Variants in VRK1 observed in about 807,000 individuals in gnomAD.
VRK1 encodes the protein serine/threonine-protein kinase VRK1.
Under a neutral mutation model 57.1 loss-of-function variants are expected in VRK1, and 33 were observed. That is an observed-to-expected ratio of 0.58 (90% CI 0.44 to 0.77). The LOEUF is 0.77. Among genes scored for constraint, VRK1 ranks in the 30% least tolerant of loss-of-function variants. The pLI is 0.00. For synonymous variants in VRK1, 137 were observed against 147.8 expected, an observed-to-expected ratio of 0.93 and a Z score of 0.53; for missense variants, 413 against 477.3, an observed-to-expected ratio of 0.87 and a Z score of 1.25.
chr14:96,880,670 G>A (rs1026303702), intron 12 of VRK1, among the ~76,000 whole-genome samples: 3 of 152,174 alleles, frequency 2.0e-5, no homozygotes, highest in Admixed American at 6.6e-5. Flanking sequence ...AATTCCTAGC[G>A]GAAAAGACTT....
chr14:96,828,864 G>A (rs763094373), intron 1 of VRK1, among the ~76,000 whole-genome samples: 5 of 152,208 alleles, frequency 3.3e-5, no homozygotes, highest in Non-Finnish European at 7.3e-5. Flanking sequence ...GATTGACAGG[G>A]CCTTTGGTTG....
At chr14:96,857,338 T>A (rs61981027) in intron 10 of VRK1, among the ~76,000 whole-genome samples, 1 of 151,808 alleles carries the variant, frequency 6.6e-6, no homozygotes, top group East Asian at 1.9e-4. Context: ...ACAGCCTCAC[T>A]TGGAAGGTGA....
intron 1 of VRK1, among the ~76,000 whole-genome samples, chr14:96,808,024 T>TCC (rs762861599): frequency 2.7e-4 from 13 of 47,316 alleles, no homozygotes; most frequent in Non-Finnish European, 6.1e-4. Flanking sequence ...CCTCTGTGTG[T>TCC]GTGTGTGTGT....
intron 11 of VRK1, among the ~76,000 whole-genome samples, chr14:96,862,956 T>A (rs1389685759): frequency 5.9e-5 from 9 of 152,184 alleles, no homozygotes; most frequent in Non-Finnish European, 7.4e-5. Context: ...TGTATTTAGG[T>A]TCCTAAGAAA....
chr14:96,828,697 G>A (rs1285773664), intron 1 of VRK1, among the ~76,000 whole-genome samples: 1 of 151,690 alleles, frequency 6.6e-6, no homozygotes, highest in African/African-American at 2.4e-5. Context: ...TTTTTTTCTA[G>A]GAAGGTTGTG....
At chr14:96,853,559 T>C (rs924214691) in intron 7 of VRK1, among the ~76,000 whole-genome samples, 2 of 152,140 alleles carry the variant, frequency 1.3e-5, no homozygotes, top group Non-Finnish European at 2.9e-5. Flanking sequence ...ATTTGGTCTT[T>C]AACATGTTGA....
intron 11 of VRK1, among the ~76,000 whole-genome samples, chr14:96,864,791 C>T (rs750003943): frequency 5.3e-5 from 8 of 151,958 alleles, no homozygotes; most frequent in East Asian, 1.9e-4. Flanking sequence ...TTTTGGTGGA[C>T]GTGCACTGAT....
intron 3 of VRK1, among the ~76,000 whole-genome samples, chr14:96,844,660 G>A (rs1296108298): frequency 1.3e-5 from 2 of 152,128 alleles, no homozygotes; most frequent in Non-Finnish European, 2.9e-5. Context: ...TCCTCCCTCA[G>A]CCTCCTAAGT....
In VRK1 at chr14:96,852,951, A is replaced by G. The variant is rs779574608; in HGVS notation, c.483+12A>G. On this transcript the variant is annotated intron_variant, in intron 6 of 12. Coordinates refer to ENST00000216639, the MANE Select transcript of VRK1 (RefSeq NM_003384.3). ...TAAGCTTAAGAATTGTATGTGAGCT[A>G]TGTTCTTCTTGTTTTTAAAAAATTG... is the stretch of plus-strand genomic sequence containing the variant. The G allele has an allele frequency of 6.8e-6, 11 of 1,612,302 alleles. No homozygotes were observed. The highest frequency in any genetic ancestry group is 2.2e-5 in the East Asian group (1 of 44,792).
chr14:96,878,819 A>C (rs1423742487), intron 12 of VRK1, among the ~76,000 whole-genome samples: 2 of 152,184 alleles, frequency 1.3e-5, no homozygotes, highest in African/African-American at 4.8e-5. Flanking sequence ...CCCTCACAAA[A>C]TGAGGAGCCT....
chr14:96,865,761 G>A (rs12893425), intron 11 of VRK1, among the ~76,000 whole-genome samples: 78,107 of 147,746 alleles, frequency 0.53, 20,832 homozygotes, highest in Non-Finnish European at 0.59. Flanking sequence ...TAATTCTTCT[G>A]TTTTTTTTTT....
chr14:96,832,892 C>G (rs1887064218), intron 1 of VRK1, among the ~76,000 whole-genome samples: 1 of 152,068 alleles, frequency 6.6e-6, no homozygotes, highest in East Asian at 1.9e-4. Context: ...TTCTGTTGTT[C>G]CACCACTTAC....
intron 12 of VRK1, among the ~76,000 whole-genome samples, chr14:96,878,139 T>C (rs1025684565): frequency 6.6e-6 from 1 of 152,136 alleles, no homozygotes; most frequent in Non-Finnish European, 1.5e-5. Flanking sequence ...CAATGCGAGT[T>C]AAGGTATTTT....
intron 1 of VRK1, among the ~76,000 whole-genome samples, chr14:96,818,394 T>G (rs1044671889): frequency 2.0e-5 from 3 of 148,840 alleles, no homozygotes; most frequent in Non-Finnish European, 2.9e-5. Context: ...AGGAAGAAAT[T>G]TTTTCTTTTC....
chr14:96,862,264 G>A (rs1275162372), intron 11 of VRK1, among the ~76,000 whole-genome samples: 1 of 152,172 alleles, frequency 6.6e-6, no homozygotes, highest in Non-Finnish European at 1.5e-5. Flanking sequence ...AGTTCAGAAG[G>A]CTGGAAATTT....
At chr14:96,808,630 A>T in intron 1 of VRK1, among the ~76,000 whole-genome samples, 1 of 146,956 alleles carries the variant, frequency 6.8e-6, no homozygotes, top group African/African-American at 2.5e-5. Flanking sequence ...TTTTGAACTC[A>T]TGTGTAAATG....
At chr14:96,831,008 C>T (rs74998354) in intron 1 of VRK1, among the ~76,000 whole-genome samples, 12,627 of 152,264 alleles carry the variant, frequency 0.083, 685 homozygotes, top group Non-Finnish European at 0.13. Flanking sequence ...GCTTCAGCCT[C>T]TTGAGACCTC....
chr14:96,853,171 T>C lies in VRK1; in HGVS notation c.576+5T>C. ...AACTACAAGAATCCTGACCAGGTAG[T>C]TTTATAACTTTAATTTCTACTATTT... On this transcript the variant is annotated splice_donor_5th_base_variant and intron_variant, in intron 7 of 12. Coordinates refer to ENST00000216639, the MANE Select transcript of VRK1 (RefSeq NM_003384.3). 2 of 1,610,486 alleles carry C rather than the reference T, an allele frequency of 1.2e-6. No homozygotes were observed. The highest frequency in any genetic ancestry group is 1.1e-5 in the South Asian group (1 of 91,024).
intron 1 of VRK1, among the ~76,000 whole-genome samples, chr14:96,800,066 G>A (rs1318266876): frequency 6.6e-6 from 1 of 151,562 alleles, no homozygotes; most frequent in African/African-American, 2.4e-5. Flanking sequence ...TTTAATAAAG[G>A]TACAAGATTA....
Sources: allele counts gnomAD v4.1 joint callset (sites outside exome capture counted in the v4.1 genomes callset), GRCh38; gene constraint gnomAD v4.1.1; transcripts MANE v1.5; gene names NCBI Gene and HGNC (gene_info 2026-07-23, HGNC 2026-07-21).